The following PRKCH variants were observed in gnomAD, a reference collection of about 807,000 sequenced individuals.
PRKCH encodes protein kinase C eta.
A neutral mutation model predicts 82.5 loss-of-function variants in PRKCH; 28 were observed. The observed-to-expected ratio is 0.34, with a 90% CI of 0.25 to 0.47. The LOEUF (loss-of-function observed/expected upper bound fraction) is 0.47. Ranked by LOEUF, PRKCH falls within the 20% of genes least tolerant of loss-of-function variation. The pLI is 1.00. For missense variants in PRKCH, 705 were observed against 881.8 expected (o/e 0.80, Z 2.54); for synonymous variants, 322 against 327.4 (o/e 0.98, Z 0.18).
chr14:61,393,919 T>C (rs560472707), intron 2 of PRKCH, among the ~76,000 whole-genome samples: 1 of 152,370 alleles, frequency 6.6e-6, no homozygotes, highest in East Asian at 1.9e-4. Flanking sequence ...TTGTATGTGT[T>C]TTTGGTTGTT....
intron 5 of PRKCH, 49 bp downstream of exon 5, chr14:61,449,301 G>A: frequency 6.8e-7 from 1 of 1,478,624 alleles, no homozygotes; most frequent in Non-Finnish European, 9.4e-7. Flanking sequence ...TATTGTGTAT[G>A]CTGTGTACCG....
chr14:61,373,354 G>C (rs1458525366), intron 1 of PRKCH, among the ~76,000 whole-genome samples: 1 of 151,706 alleles, frequency 6.6e-6, no homozygotes, highest in Non-Finnish European at 1.5e-5. Context: ...GGAGAGTAAA[G>C]GGGAAAGTGC....
At chr14:61,507,434 T>C (rs1215798743) in intron 10 of PRKCH, among the ~76,000 whole-genome samples, 3 of 152,116 alleles carry the variant, frequency 2.0e-5, no homozygotes, top group Admixed American at 2.0e-4. Flanking sequence ...CATTCCTGGA[T>C]CTATAACCAA....
intron 3 of PRKCH, among the ~76,000 whole-genome samples, chr14:61,444,468 C>T (rs1406579737): frequency 9.7e-5 from 12 of 123,130 alleles, no homozygotes; most frequent in Admixed American, 8.3e-4. Flanking sequence ...CCCCTGTAGG[C>T]ATTAGTGGTG....
intron 2 of PRKCH, among the ~76,000 whole-genome samples, chr14:61,397,162 G>C (rs1217447218): frequency 6.6e-6 from 1 of 152,096 alleles, no homozygotes; most frequent in Admixed American, 6.6e-5. Flanking sequence ...TGGAGAGGAG[G>C]GGGACAGCTT....
intron 10 of PRKCH, among the ~76,000 whole-genome samples, chr14:61,491,181 C>A (rs954407533): frequency 7.9e-5 from 12 of 152,174 alleles, no homozygotes; most frequent in African/African-American, 2.9e-4. Context: ...GAATTCAGTT[C>A]TGTATTTATA....
At chr14:61,439,552 A>T (rs190098139) in intron 2 of PRKCH, among the ~76,000 whole-genome samples, 1 of 152,302 alleles carries the variant, frequency 6.6e-6, no homozygotes, top group African/African-American at 2.4e-5. Context: ...CTGGGGCAGA[A>T]GTGAAAGAGA....
chr14:61,520,893 G>A (rs2042896266), intron 10 of PRKCH, among the ~76,000 whole-genome samples: 1 of 152,124 alleles, frequency 6.6e-6, no homozygotes, highest in Non-Finnish European at 1.5e-5. Context: ...CTAAAAAAAT[G>A]TATCCTAAAT....
intron 9 of PRKCH, among the ~76,000 whole-genome samples, 159 bp from the exon 10 acceptor site, chr14:61,485,343 A>G (rs1328084416): frequency 1.3e-5 from 2 of 151,916 alleles, no homozygotes; most frequent in Non-Finnish European, 2.9e-5. Context: ...ATCCCACCAG[A>G]CCGGTTGCAC....
intron 1 of PRKCH, among the ~76,000 whole-genome samples, chr14:61,316,263 G>A (rs2045561460): frequency 6.6e-6 from 1 of 152,102 alleles, no homozygotes; most frequent in Admixed American, 6.5e-5. Context: ...GGTCACATTT[G>A]ACCTGGCTGT....
At chr14:61,243,240 CA>C (rs148773493) in intron 1 of PRKCH, among the ~76,000 whole-genome samples, 2 of 151,248 alleles carry the variant, frequency 1.3e-5, no homozygotes, top group East Asian at 1.9e-4. Context: ...ACTACAAATA[CA>C]AAAAAAATTC....
intron 2 of PRKCH, among the ~76,000 whole-genome samples, chr14:61,399,182 T>C (rs948391749): frequency 2.0e-5 from 3 of 152,252 alleles, no homozygotes; most frequent in African/African-American, 7.2e-5. Context: ...TTACTGAAGC[T>C]GGGTGATGAT....
chr14:61,483,298 A>C (rs1248822955), intron 9 of PRKCH, among the ~76,000 whole-genome samples: 1 of 152,248 alleles, frequency 6.6e-6, no homozygotes, highest in South Asian at 2.1e-4. Flanking sequence ...AATACAGGAC[A>C]GCCATTGCTC....
chr14:61,507,933 T>G (rs2139966611), intron 10 of PRKCH, among the ~76,000 whole-genome samples: 2 of 152,166 alleles, frequency 1.3e-5, no homozygotes, highest in Admixed American at 1.3e-4. Context: ...AGTGCTCTTA[T>G]CACCAAGAAA....
intron 1 of PRKCH, among the ~76,000 whole-genome samples, chr14:61,227,342 C>A (rs931874084): frequency 1.4e-4 from 21 of 152,334 alleles, no homozygotes; most frequent in African/African-American, 4.8e-4. Context: ...CGCCTGTAAT[C>A]CCAGCCCTTT....
chr14:61,191,649 G>A (rs1428179813), intron 1 of PRKCH, among the ~76,000 whole-genome samples: 3 of 136,752 alleles, frequency 2.2e-5, no homozygotes, highest in African/African-American at 8.3e-5. Context: ...CTGCAGCCCT[G>A]TCTCAAAAAA....
intron 2 of PRKCH, among the ~76,000 whole-genome samples, chr14:61,394,284 A>G (rs986293593): frequency 6.6e-6 from 1 of 151,848 alleles, no homozygotes; most frequent in Non-Finnish European, 1.5e-5. Flanking sequence ...AAAACTGTTC[A>G]GGTTACAATT....
chr14:61,288,493 C>G (rs1277110887), intron 1 of PRKCH, among the ~76,000 whole-genome samples: 2 of 152,186 alleles, frequency 1.3e-5, no homozygotes, highest in African/African-American at 4.8e-5. Context: ...GTGTGCTGAT[C>G]AATACTGACT....
chr14:61,372,414 A>G (rs1016756280), intron 1 of PRKCH, among the ~76,000 whole-genome samples: 2 of 151,900 alleles, frequency 1.3e-5, no homozygotes, highest in Admixed American at 6.5e-5. Flanking sequence ...AATGTTTTCA[A>G]CTCCGATACA....
Sources: gnomAD v4.1 joint callset for allele counts (sites outside exome capture counted in the v4.1 genomes callset) on GRCh38, gnomAD v4.1.1 for gene constraint, MANE v1.5 for transcripts, NCBI Gene and HGNC (gene_info 2026-07-23, HGNC 2026-07-21) for gene names.